Variants in USP3 observed in about 807,000 individuals in gnomAD.
The protein encoded by USP3 is ubiquitin carboxyl-terminal hydrolase 3.
In USP3, 20 loss-of-function variants were observed where a neutral mutation model predicts 72.3. The observed-to-expected ratio is 0.28, with a 90% CI of 0.19 to 0.40. The LOEUF (loss-of-function observed/expected upper bound fraction) is 0.40. Ranked by LOEUF, USP3 falls within the 10% of genes least tolerant of loss-of-function variation. The pLI, the probability that USP3 is intolerant of heterozygous loss-of-function variation, is 1.00. For missense variants in USP3, 479 were observed against 633.9 expected (o/e 0.76, Z 2.62); for synonymous variants, 222 against 225.3 (o/e 0.99, Z 0.13).
intron 11 of USP3, among the ~76,000 whole-genome samples, chr15:63,581,081 C>T (rs2066949551): frequency 6.6e-6 from 1 of 152,132 alleles, no homozygotes; most frequent in Admixed American, 6.5e-5. Flanking sequence ...GCTGGGATGA[C>T]AGGCGTGAGC....
intron 11 of USP3, among the ~76,000 whole-genome samples, chr15:63,578,840 T>C (rs2066909165): frequency 6.6e-6 from 1 of 152,108 alleles, no homozygotes; most frequent in Non-Finnish European, 1.5e-5. Flanking sequence ...GACCAAATTA[T>C]TAACATTTGC....
intron 8 of USP3, among the ~76,000 whole-genome samples, chr15:63,566,840 C>T (rs895051076): frequency 3.9e-5 from 6 of 152,244 alleles, no homozygotes; most frequent in African/African-American, 1.4e-4. Context: ...TTGCCAAATA[C>T]TGAGTAGGAA....
In USP3 at chr15:63,592,324, C is replaced by T. The variant is rs1483638286; in HGVS notation, c.*1498C>T. On this transcript the variant is annotated 3_prime_UTR_variant, in exon 15 of 15. Transcript: ENST00000380324. The stretch of plus-strand genomic sequence containing the variant: ...GTTTCTACAAGTGTTCTAAGACAGT[C>T]CTGTGGTGGTTTTTTTTTTTTCTTT... 3 of 138,938 alleles carry T rather than the reference C, an allele frequency of 2.2e-5. No individual in the cohort carries two copies. The highest frequency in any genetic ancestry group is 4.7e-5 in the Non-Finnish European group (3 of 64,192). The allele number at this position is 138,938 out of a possible 1,614,324, so 8.6% of individuals were successfully genotyped here.
rs1490097367 is a variant in USP3 at position 63,529,686 on chromosome 15, G to C, written c.92-2961G>C. On this transcript the variant is annotated intron_variant, in intron 1 of 14. Transcript: ENST00000380324. The surrounding 1 kb of genome is among the most constrained non-coding windows in gnomAD (Gnocchi z 4.2). The stretch of plus-strand genomic sequence containing the variant: ...ACCAAATTGTGTGTACTGTGTGTAG[G>C]TTTACAACCCTAAAGTGAGGAAGAA... 6.6e-6 allele frequency among the ~76,000 whole-genome samples: 1 copy of C among 152,178 alleles called. No homozygotes were observed. The highest frequency in any genetic ancestry group is 2.4e-5 in the African/African-American group (1 of 41,442).
chr15:63,536,753 C>G (rs2066163056), intron 2 of USP3, among the ~76,000 whole-genome samples: 1 of 151,508 alleles, frequency 6.6e-6, no homozygotes, highest in South Asian at 2.1e-4. Context: ...ACTCGGGAGG[C>G]TGAGGCAGGA....
At chr15:63,547,079 A>G (rs2066340256) in intron 3 of USP3, among the ~76,000 whole-genome samples, 1 of 152,200 alleles carries the variant, frequency 6.6e-6, no homozygotes, top group Non-Finnish European at 1.5e-5. Context: ...AAATCAAACC[A>G]GGGGAATCTA....
In USP3 at chr15:63,550,281, G is replaced by C. The variant is rs143223616; in HGVS notation, c.285-3434G>C. Among the ~76,000 whole-genome samples the C allele has an allele frequency of 3.7e-4, 57 of 152,324 alleles. No individual in the cohort carries two copies. The East Asian group carries it at 0.011, about 28-fold the overall frequency. On this transcript the variant is annotated intron_variant, in intron 3 of 14. Coordinates refer to ENST00000380324, the MANE Select transcript of USP3 (RefSeq NM_006537.4). ...GATCCACCCAGCTCGGCCTCCCAAA[G>C]TGCTGGGATTACAGGGATAAGCCAC...
intron 11 of USP3, chr15:63,587,750 G>A (rs2067103368): frequency 6.6e-6 from 1 of 152,228 alleles, no homozygotes; most frequent in Non-Finnish European, 1.5e-5. Context: ...CAGGTGGCTG[G>A]CTGGATGTTT....
At chr15:63,566,005 C>A (rs559917037) in intron 8 of USP3, among the ~76,000 whole-genome samples, 26 of 152,216 alleles carry the variant, frequency 1.7e-4, no homozygotes, top group Non-Finnish European at 3.5e-4. Flanking sequence ...CTTCTGCCCA[C>A]AGGATTTGCC....
At position 63,570,419 on chromosome 15, in the gene USP3, T is replaced by G. The variant is rs756584424; in HGVS notation, c.762-14T>G. 1 of 1,613,860 alleles carries G rather than the reference T, an allele frequency of 6.2e-7. No homozygotes were observed. On this transcript the variant is annotated splice_polypyrimidine_tract_variant and intron_variant, in intron 8 of 14. Coordinates refer to ENST00000380324, the MANE Select transcript of USP3 (RefSeq NM_006537.4). This position sits in a 1 kb window ranked among gnomAD's most constrained non-coding sequence, Gnocchi z 4.4. ...CTCCACCCGGCCTTATAAGTGACTG[T>G]TTGTTTGCTTTAGGGGCTATCAACA...
chr15:63,553,641 C>T lies in USP3; in HGVS notation c.285-74C>T. 1.4e-6 allele frequency: 2 copies of T among 1,423,790 alleles called. No homozygotes were observed. Among genetic ancestry groups the T allele is most frequent in the African/African-American group, 1.5e-5 (1 of 68,568 alleles). 88.2% of individuals were successfully genotyped at this position (1,423,790 alleles called of 1,614,324 possible). On this transcript the variant is annotated intron_variant, in intron 3 of 14. Coordinates refer to ENST00000380324, the MANE Select transcript of USP3 (RefSeq NM_006537.4). The surrounding 1 kb of genome is among the most constrained non-coding windows in gnomAD (Gnocchi z 4.2). ...GCCATGTGATCATCTTGGCAACAGC[C>T]AGACCTTTTAGTGATTTCATTACTG...
chr15:63,513,718 G>A (rs1323234190), intron 1 of USP3, among the ~76,000 whole-genome samples: 1 of 152,054 alleles, frequency 6.6e-6, no homozygotes, highest in Non-Finnish European at 1.5e-5. Flanking sequence ...TCATTACTTT[G>A]TTTTGAACAT....
At chr15:63,521,071 G>A (rs759723037) in intron 1 of USP3, among the ~76,000 whole-genome samples, 13 of 149,912 alleles carry the variant, frequency 8.7e-5, no homozygotes, top group Non-Finnish European at 1.5e-4. Context: ...GTTTCTTTTT[G>A]TAAAGAAAAG....
intron 3 of USP3, among the ~76,000 whole-genome samples, chr15:63,542,769 A>G (rs1246969685): frequency 2.0e-5 from 3 of 152,206 alleles, no homozygotes; most frequent in African/African-American, 7.2e-5. Context: ...CATTTCCATT[A>G]TATCAGAAAC....
At chr15:63,556,188 T>G (rs2066504832) in intron 4 of USP3, 1 of 152,444 alleles carries the variant, frequency 6.6e-6, no homozygotes, top group Admixed American at 6.5e-5. Flanking sequence ...GTAACTTATT[T>G]ATCATTCCTC....
chr15:63,556,540 G>GC, intron 4 of USP3, 127 bp from the exon 5 acceptor site: 1 of 593,686 alleles, frequency 1.7e-6, no homozygotes, highest in Non-Finnish European at 2.9e-6. Flanking sequence ...GCCCCAGTAG[G>GC]CCTGACGAAG....
rs982237479 is a variant in USP3, at chr15:63,553,950, G to A, written c.368+152G>A. ...ATAAAATAAACCTTGGCTTTGGATAGCTAAAACTTGGCCCATAGTTAATGG... is the reference window on the plus strand; with the variant it reads ...ATAAAATAAACCTTGGCTTTGGATAACTAAAACTTGGCCCATAGTTAATGG... On this transcript the variant is annotated intron_variant, in intron 4 of 14. Coordinates refer to ENST00000380324, the MANE Select transcript of USP3 (RefSeq NM_006537.4). The surrounding 1 kb of genome is among the most constrained non-coding windows in gnomAD (Gnocchi z 4.2). 5.1e-6 allele frequency: 3 copies of A among 585,842 alleles called. No homozygotes were observed. Among genetic ancestry groups the A allele is most frequent in the Non-Finnish European group, 8.4e-6 (3 of 355,232 alleles). The allele number at this position is 585,842 out of a possible 1,614,324, so 36.3% of individuals were successfully genotyped here.
chr15:63,513,643 G>T (rs2065817536), intron 1 of USP3, among the ~76,000 whole-genome samples: 1 of 152,016 alleles, frequency 6.6e-6, no homozygotes, highest in Non-Finnish European at 1.5e-5. Context: ...CCAAAGTGCT[G>T]GGATTACAGA....
In USP3 at chr15:63,547,816, TAG is replaced by T. The variant is rs138633272; in HGVS notation, c.285-5880_285-5879del. On this transcript the variant is annotated intron_variant, in intron 3 of 14. Coordinates refer to ENST00000380324, the MANE Select transcript of USP3 (RefSeq NM_006537.4). ...AGAGAGAGAGGCATAGAGAGAGGCA[TAG>T]AGAGAGAGAGAGAGAGAGGGAGGGA... is the stretch of plus-strand genomic sequence containing the variant. 5.3e-3 allele frequency among the ~76,000 whole-genome samples: 102 copies of T among 19,300 alleles called. 1 individual carries two copies. The East Asian group carries it at 0.077, about 15-fold the overall frequency. 12.7% of individuals were successfully genotyped at this position (19,300 alleles called of 152,430 possible).
Sources: gnomAD v4.1 joint callset for allele counts (sites outside exome capture counted in the v4.1 genomes callset) on GRCh38, gnomAD v4.1.1 for gene constraint, Gnocchi (gnomAD v3.1) non-coding constraint, MANE v1.5 for transcripts, NCBI Gene and HGNC (gene_info 2026-07-23, HGNC 2026-07-21) for gene names.